PLEKHF1: variants seen among roughly 807,000 people sequenced by gnomAD.
The protein encoded by PLEKHF1 is pleckstrin homology domain-containing family F member 1.
Under a neutral mutation model 4.1 loss-of-function variants are expected in PLEKHF1, and 1 was observed. That is an observed-to-expected ratio of 0.24 (90% CI 0.09 to 1.15). The LOEUF is 1.15. PLEKHF1 is among the 50% of genes most tolerant of loss of function. The pLI is 0.52. For missense variants in PLEKHF1, 429 were observed against 400.6 expected, an observed-to-expected ratio of 1.07 and a Z score of -0.60; for synonymous variants, 182 against 178.5, an observed-to-expected ratio of 1.02 and a Z score of -0.16.
Position 29,671,865 on chromosome 19 carries a change from G to A in PLEKHF1, c.-16-1959G>A, listed in dbSNP as rs542877819. On this transcript the variant is annotated intron_variant, in intron 1 of 1. Transcript: ENST00000436066. This position sits in a 1 kb window ranked among gnomAD's most constrained non-coding sequence, Gnocchi z 4.0. ...GGGTGTGATCAGCTCAGCCCCAGGC[G>A]TGCCGTGTGTACCGGAATGCATGTG... Among the ~76,000 whole-genome samples, 7 of 152,218 alleles carry A rather than the reference G, an allele frequency of 4.6e-5. No homozygotes were observed. The highest frequency in any genetic ancestry group is 7.2e-5 in the African/African-American group (3 of 41,558).
At chr19:29,665,888 G>A in intron 1 of PLEKHF1, 2 of 855,628 alleles carry the variant, frequency 2.3e-6, no homozygotes, top group Non-Finnish European at 2.9e-6. Context: ...TGTGGCCGCC[G>A]GGACCTCTCT....
rs1971635251 is a variant in PLEKHF1 at position 29,671,905 on chromosome 19, G to A, written c.-16-1919G>A. Among the ~76,000 whole-genome samples the A allele has an allele frequency of 6.6e-6, 1 of 152,048 alleles. No individual in the cohort carries two copies. On this transcript the variant is annotated intron_variant, in intron 1 of 1. Coordinates refer to ENST00000436066, the MANE Select transcript of PLEKHF1 (RefSeq NM_024310.5). This position sits in a 1 kb window ranked among gnomAD's most constrained non-coding sequence, Gnocchi z 4.0. ...GAATGCATGTGTGCACGTGGTGGTG[G>A]TGGGGCCAGCTCTCACCTCTTCCTC...
chr19:29,672,596 A>G (rs1234685642), intron 1 of PLEKHF1, among the ~76,000 whole-genome samples: 6 of 152,296 alleles, frequency 3.9e-5, no homozygotes, highest in South Asian at 4.1e-4. Flanking sequence ...AGAGGTAAAG[A>G]TGATGAGATT....
rs764925523 is a variant in PLEKHF1, at chr19:29,673,862, C to T, written c.23C>T (p.Thr8Met). 1.9e-6 allele frequency: 3 copies of T among 1,603,166 alleles called. No individual in the cohort carries two copies. The highest frequency in any genetic ancestry group is 2.7e-5 in the African/African-American group (2 of 74,724). MVDHLAN[T>M]EINSQRIAAV... ...ACGATGGTGGACCACTTGGCCAACA[C>T]GGAGATCAACAGCCAGCGCATCGCG... The change falls in exon 2 of 2, where the codon ACG becomes ATG. Residue 8 changes from threonine (T) to methionine (M), a missense_variant. By Grantham distance (81) the Thr-to-Met change is moderately conservative. Coordinates refer to ENST00000436066, the MANE Select transcript of PLEKHF1 (RefSeq NM_024310.5).
chr19:29,671,164 A>G lies in PLEKHF1; in HGVS notation c.-16-2660A>G, dbSNP rs1333188797. Among the ~76,000 whole-genome samples, 4 of 146,952 alleles carry G rather than the reference A, an allele frequency of 2.7e-5. No homozygotes were observed. On this transcript the variant is annotated intron_variant, in intron 1 of 1. Transcript: ENST00000436066. This position sits in a 1 kb window ranked among gnomAD's most constrained non-coding sequence, Gnocchi z 4.0. ...ACACAGGCTGGAGTGCAATGGCGCCATCTTGGCTCACTGCAACCTCTGCTT... is the reference window on the plus strand; with the variant it reads ...ACACAGGCTGGAGTGCAATGGCGCCGTCTTGGCTCACTGCAACCTCTGCTT...
chr19:29,669,284 A>T (rs943545780), intron 1 of PLEKHF1, among the ~76,000 whole-genome samples: 1 of 152,140 alleles, frequency 6.6e-6, no homozygotes, highest in Admixed American at 6.5e-5. Context: ...TGGCTGGCCC[A>T]GTCTCCAGAG....
rs1184120328 is a variant in PLEKHF1, at chr19:29,674,637, G to T, written c.798G>T (p.Glu266Asp). The change falls in exon 2 of 2, where the codon GAG (glutamate) becomes GAT (aspartate). Residue 266 changes from glutamate (E) to aspartate (D), a missense_variant. Coordinates refer to ENST00000436066, the MANE Select transcript of PLEKHF1 (RefSeq NM_024310.5). ...ACGGCGACTGGCCCAGCAGCGTGGAGTTCTACGCCTCGGGGGTGGCCTGGT... is the reference window on the plus strand; with the variant it reads ...ACGGCGACTGGCCCAGCAGCGTGGATTTCTACGCCTCGGGGGTGGCCTGGT... ...SRDGDWPSSV[E>D]FYASGVAWSA... 1.2e-6 allele frequency: 2 copies of T among 1,610,232 alleles called. No homozygotes were observed. The highest frequency in any genetic ancestry group is 1.7e-6 in the Non-Finnish European group (2 of 1,179,020).
chr19:29,674,766 G>A lies in PLEKHF1; in HGVS notation c.*87G>A, dbSNP rs972291511. On this transcript the variant is annotated 3_prime_UTR_variant, in exon 2 of 2. Transcript: ENST00000436066. ...AGCTCCAGAAGCTGCCCAGGGCTCCGGGACCCCATCCCATGGTGGCAGGTG... is the reference window on the plus strand; with the variant it reads ...AGCTCCAGAAGCTGCCCAGGGCTCCAGGACCCCATCCCATGGTGGCAGGTG... 41 of 1,477,914 alleles carry A rather than the reference G, an allele frequency of 2.8e-5. No individual in the cohort carries two copies. Among genetic ancestry groups the A allele is most frequent in the African/African-American group, 5.7e-5 (4 of 70,338 alleles). The allele number at this position is 1,477,914 out of a possible 1,614,324, so 91.6% of individuals were successfully genotyped here. A position where few individuals can be genotyped will look rare whatever the true frequency, so the allele number is the denominator to read the frequency against.
At chr19:29,668,720 A>G (rs1355826164) in intron 1 of PLEKHF1, among the ~76,000 whole-genome samples, 1 of 150,662 alleles carries the variant, frequency 6.6e-6, no homozygotes, top group Non-Finnish European at 1.5e-5. Flanking sequence ...ACAATGTCTC[A>G]GAAAAAAAAA....
At position 29,675,025 on chromosome 19, in the gene PLEKHF1, C is replaced by T; in HGVS notation, c.*346C>T. On this transcript the variant is annotated 3_prime_UTR_variant, in exon 2 of 2. Transcript: ENST00000436066. ...CTAGGGACCAGAGCAGGTTTGGGAA[C>T]ACAGAGGGAAGACAGGATGGGAGTG... 3.8e-6 allele frequency: 1 copy of T among 265,436 alleles called. No individual in the cohort carries two copies. Among genetic ancestry groups the T allele is most frequent in the Middle Eastern group, 1.3e-3 (1 of 794 alleles). The allele number at this position is 265,436 out of a possible 1,614,324, so 16.4% of individuals were successfully genotyped here. A position where few individuals can be genotyped will look rare whatever the true frequency, so the allele number is the denominator to read the frequency against.
rs1380757746 is a variant in PLEKHF1, at chr19:29,674,063, G to A, written c.224G>A (p.Arg75His). The A allele has an allele frequency of 1.2e-6, 2 of 1,614,046 alleles. No individual in the cohort carries two copies. Among genetic ancestry groups the A allele is most frequent in the East Asian group, 4.5e-5 (2 of 44,880 alleles). ...ATCGTGCTCAACAAGCGCAAGTACCGCAGCCAGCACATCATCCCCCTGGAG... is the reference window on the plus strand; with the variant it reads ...ATCGTGCTCAACAAGCGCAAGTACCACAGCCAGCACATCATCCCCCTGGAG... Reference protein sequence around the residue: ...GSIVLNKRKYRSQHIIPLEEV... With the variant: ...GSIVLNKRKYHSQHIIPLEEV... Residue 75 changes from arginine to histidine, a missense_variant, in exon 2 of 2, where the codon CGC becomes CAC. Arg to His is a conservative substitution (Grantham distance 29). Transcript: ENST00000436066.
intron 1 of PLEKHF1, among the ~76,000 whole-genome samples, chr19:29,665,983 A>T (rs901131623): frequency 6.6e-6 from 1 of 151,522 alleles, no homozygotes; most frequent in Non-Finnish European, 1.5e-5. Flanking sequence ...CTGGGGTCCC[A>T]GTTCCTCTGG....
rs920176660 is a variant in PLEKHF1 at position 29,671,818 on chromosome 19, C to G, written c.-16-2006C>G. 6.6e-6 allele frequency among the ~76,000 whole-genome samples: 1 copy of G among 152,114 alleles called. No individual in the cohort carries two copies. Among genetic ancestry groups the G allele is most frequent in the Non-Finnish European group, 1.5e-5 (1 of 68,024 alleles). On this transcript the variant is annotated intron_variant, in intron 1 of 1. Coordinates refer to ENST00000436066, the MANE Select transcript of PLEKHF1 (RefSeq NM_024310.5). This position sits in a 1 kb window ranked among gnomAD's most constrained non-coding sequence, Gnocchi z 4.0. ...CTGGTGGCCAGGCTCAGAACTGCAG[C>G]TCAGTGACCCAGAAACACTATGGGT...
Position 29,668,445 on chromosome 19 carries a change from C to T in PLEKHF1, c.-17+2940C>T, listed in dbSNP as rs189627067. 2.8e-3 allele frequency among the ~76,000 whole-genome samples: 426 copies of T among 152,030 alleles called. 17 individuals carry two copies. Among genetic ancestry groups the T allele is most frequent in the Admixed American group, 0.024 (367 of 15,264 alleles). ...AAAAAAAAAAGGATTCCCAGCTGGG[C>T]TCAGTGGCTCATACCTGCTATCCCA... is the stretch of plus-strand genomic sequence containing the variant. On this transcript the variant is annotated intron_variant, in intron 1 of 1. Transcript: ENST00000436066.
chr19:29,670,825 T>C (rs1200080301), intron 1 of PLEKHF1, among the ~76,000 whole-genome samples: 2 of 150,434 alleles, frequency 1.3e-5, no homozygotes, highest in Admixed American at 6.6e-5. Context: ...CTACAGGCGC[T>C]CGCCACCACA....
chr19:29,667,833 CA>C (rs1971586710), intron 1 of PLEKHF1, among the ~76,000 whole-genome samples: 1 of 151,502 alleles, frequency 6.6e-6, no homozygotes, highest in Non-Finnish European at 1.5e-5. Flanking sequence ...TGGTGTAGAT[CA>C]GGGGTTGGCT....
intron 1 of PLEKHF1, chr19:29,667,172 C>T (rs1483235034): frequency 3.9e-5 from 6 of 152,460 alleles, no homozygotes; most frequent in African/African-American, 1.2e-4. Flanking sequence ...CAGCTGACTT[C>T]AGGCTGGAGT....
chr19:29,671,546 T>A lies in PLEKHF1; in HGVS notation c.-16-2278T>A, dbSNP rs1333014115. On this transcript the variant is annotated intron_variant, in intron 1 of 1. Coordinates refer to ENST00000436066, the MANE Select transcript of PLEKHF1 (RefSeq NM_024310.5). This position sits in a 1 kb window ranked among gnomAD's most constrained non-coding sequence, Gnocchi z 4.0. Reference sequence around the variant, plus strand: ...AGTTCTGGTTTTGTCAGATTGTCCCTCAGCCAGGTACTCGGTGATCAGTCA... The same window carrying A: ...AGTTCTGGTTTTGTCAGATTGTCCCACAGCCAGGTACTCGGTGATCAGTCA... Among the ~76,000 whole-genome samples the A allele has an allele frequency of 2.0e-5, 3 of 152,192 alleles. No homozygotes were observed. The highest frequency in any genetic ancestry group is 4.8e-5 in the African/African-American group (2 of 41,430).
Position 29,673,838 on chromosome 19 carries a change from CG to C in PLEKHF1, c.-1del. Reference sequence around the variant, plus strand: ...TCCTCCTGCAGCCGCCAGCTGGAGACGATGGTGGACCACTTGGCCAACACGG... The same window carrying C: ...TCCTCCTGCAGCCGCCAGCTGGAGACATGGTGGACCACTTGGCCAACACGG... On this transcript the variant is annotated 5_prime_UTR_variant, in exon 2 of 2. Transcript: ENST00000436066. The C allele has an allele frequency of 6.3e-7, 1 of 1,589,350 alleles. No individual in the cohort carries two copies. Among genetic ancestry groups the C allele is most frequent in the Non-Finnish European group, 8.6e-7 (1 of 1,165,356 alleles).
Sources: gnomAD v4.1 joint callset for allele counts (sites outside exome capture counted in the v4.1 genomes callset) on GRCh38, gnomAD v4.1.1 for gene constraint, Gnocchi (gnomAD v3.1) non-coding constraint, MANE v1.5 for transcripts, NCBI Gene and HGNC (gene_info 2026-07-23, HGNC 2026-07-21) for gene names.